MORC1: variants seen among roughly 807,000 people sequenced by gnomAD.
MORC1 encodes the protein MORC family CW-type zinc finger 1, also known as MORC family CW-type zinc finger protein 1.
In MORC1, 59 loss-of-function variants were observed where a neutral mutation model predicts 134.9. The ratio of observed to expected loss-of-function variants is 0.44; its 90% CI spans 0.35 to 0.54. MORC1 has a LOEUF of 0.54. MORC1 is among the 20% of genes least tolerant of loss of function. MORC1 has a pLI of 0.00. For missense variants in MORC1, 947 were observed against 1,134.5 expected, an observed-to-expected ratio of 0.83 and a Z score of 2.37; for synonymous variants, 395 against 391.7, an observed-to-expected ratio of 1.01 and a Z score of -0.10.
chr3:109,049,543 CA>C lies in MORC1; in HGVS notation c.1330+5184del, dbSNP rs927090242. 1.7e-3 allele frequency among the ~76,000 whole-genome samples: 254 copies of C among 150,990 alleles called. 1 individual carries two copies. The highest frequency in any genetic ancestry group is 5.7e-3 in the African/African-American group (236 of 41,154). On this transcript the variant is annotated intron_variant, in intron 14 of 27. Coordinates refer to ENST00000232603, the MANE Select transcript of MORC1 (RefSeq NM_014429.4). ...TTAGTTAGAAGTTAGCATTAGATTC[CA>C]AAAAAAAGGTCATTACAACCTGAAA... is the stretch of plus-strand genomic sequence containing the variant.
intron 4 of MORC1, among the ~76,000 whole-genome samples, chr3:109,103,349 T>G (rs1168965994): frequency 6.6e-6 from 1 of 152,222 alleles, no homozygotes; most frequent in African/African-American, 2.4e-5. Flanking sequence ...TGTAGATGTA[T>G]TCTTTATGAT....
chr3:109,082,936 A>T (rs1489496229), intron 8 of MORC1, among the ~76,000 whole-genome samples: 4 of 152,180 alleles, frequency 2.6e-5, no homozygotes, highest in Non-Finnish European at 4.4e-5. Context: ...AGCTCAGAAA[A>T]TACCAAACAG....
intron 6 of MORC1, among the ~76,000 whole-genome samples, chr3:109,096,766 G>A (rs940935121): frequency 6.6e-6 from 1 of 151,976 alleles, no homozygotes; most frequent in Middle Eastern, 3.4e-3. Flanking sequence ...CTATGAACTC[G>A]CCCTGAATTC....
At chr3:109,066,278 CTCT>C (rs1389802922) in intron 9 of MORC1, among the ~76,000 whole-genome samples, 3 of 149,792 alleles carry the variant, frequency 2.0e-5, no homozygotes, top group Admixed American at 2.0e-4. Context: ...CAGGAATTTT[CTCT>C]TTTTTTCTTT....
chr3:108,961,120 C>T (rs951791797), intron 27 of MORC1, among the ~76,000 whole-genome samples: 2 of 152,160 alleles, frequency 1.3e-5, no homozygotes, highest in South Asian at 2.1e-4. Flanking sequence ...TCCAACTGAA[C>T]GAACAGATAA....
chr3:109,006,866 T>G (rs1948552414), intron 18 of MORC1, among the ~76,000 whole-genome samples, 163 bp downstream of exon 18: 1 of 152,206 alleles, frequency 6.6e-6, no homozygotes, highest in African/African-American at 2.4e-5. Flanking sequence ...TTATCCCTAA[T>G]AAACATGTAT....
chr3:109,011,552 G>A (rs531680086), intron 17 of MORC1, among the ~76,000 whole-genome samples: 6 of 144,420 alleles, frequency 4.2e-5, no homozygotes, highest in South Asian at 4.3e-4. Flanking sequence ...ATGGAGTTTC[G>A]CTCTTGCTGC....
chr3:109,082,248 T>A (rs1245163697), intron 8 of MORC1, among the ~76,000 whole-genome samples: 4 of 148,214 alleles, frequency 2.7e-5, no homozygotes, highest in Admixed American at 6.6e-5. Context: ...AGGAGAAAAA[T>A]TTAAAAAAAA....
chr3:109,060,974 T>C (rs945977429), intron 11 of MORC1, among the ~76,000 whole-genome samples: 1 of 150,714 alleles, frequency 6.6e-6, no homozygotes, highest in African/African-American at 2.4e-5. Context: ...TAAGATAGGT[T>C]TACCCTTAAT....
chr3:108,992,770 T>C (rs955555299), intron 21 of MORC1, among the ~76,000 whole-genome samples: 4 of 152,120 alleles, frequency 2.6e-5, no homozygotes, highest in African/African-American at 9.7e-5. Flanking sequence ...CTCCCGGTAT[T>C]TTCACTTTTG....
chr3:108,958,789 G>A lies in MORC1; in HGVS notation c.*176C>T, dbSNP rs1292483927. On this transcript the variant is annotated 3_prime_UTR_variant, in exon 28 of 28. Coordinates refer to ENST00000232603, the MANE Select transcript of MORC1 (RefSeq NM_014429.4). Reference sequence around the variant, plus strand: ...AATTGGATTAGGGAATACATAAATTGTAAATCGGTCTCCATTTCTAGAGTA... The same window carrying A: ...AATTGGATTAGGGAATACATAAATTATAAATCGGTCTCCATTTCTAGAGTA... 1.2e-5 allele frequency: 4 copies of A among 342,348 alleles called. No individual in the cohort carries two copies. The highest frequency in any genetic ancestry group is 2.1e-5 in the African/African-American group (1 of 46,958). 21.2% of individuals were successfully genotyped at this position (342,348 alleles called of 1,614,324 possible).
chr3:109,106,575 C>T (rs1331992025), intron 3 of MORC1, among the ~76,000 whole-genome samples: 3 of 152,190 alleles, frequency 2.0e-5, no homozygotes, highest in East Asian at 1.9e-4. Context: ...TCCTCCTCCT[C>T]GTTTCCTGTT....
intron 24 of MORC1, among the ~76,000 whole-genome samples, chr3:108,972,218 A>G (rs2107399925): frequency 6.6e-6 from 1 of 152,280 alleles, no homozygotes; most frequent in South Asian, 2.1e-4. Flanking sequence ...AATCACCTAT[A>G]TGACACATAT....
Position 108,993,545 on chromosome 3 carries a change from T to C in MORC1, c.2188-6596A>G, listed in dbSNP as rs144594241. 1.2e-3 allele frequency among the ~76,000 whole-genome samples: 179 copies of C among 152,282 alleles called. No homozygotes were observed. The Middle Eastern group carries it at 0.014, about 12-fold the overall frequency. On this transcript the variant is annotated intron_variant, in intron 21 of 27. Coordinates refer to ENST00000232603, the MANE Select transcript of MORC1 (RefSeq NM_014429.4). The stretch of plus-strand genomic sequence containing the variant: ...TGTCTAGTATTATTAGCAATGATCA[T>C]AGCATTATACAGATTCATAAAGAGG...
At chr3:109,003,553 G>A (rs1948462141) in intron 20 of MORC1, among the ~76,000 whole-genome samples, 1 of 152,010 alleles carries the variant, frequency 6.6e-6, no homozygotes, top group African/African-American at 2.4e-5. Flanking sequence ...ACAATAAACT[G>A]ACAAATCCTA....
rs377670991 is a variant in MORC1, at chr3:109,099,436, A to G, written c.345T>C (p.Ile115=). ...TCGTTTCTTCCTTCTTCGTAAAAAG[A>G]ATAAAGTCTTTTCCAATTCTCATGG... is the stretch of plus-strand genomic sequence containing the variant. ...SGSMRIGKDF[I]LFTKKEETMT... The change falls in exon 6 of 28, where the codon ATT becomes ATC. Residue 115 remains isoleucine, a synonymous_variant. Transcript: ENST00000232603. 5 of 1,612,878 alleles carry G rather than the reference A, an allele frequency of 3.1e-6. No homozygotes were observed. In the African/African-American group the frequency reaches 5.3e-5, roughly 17 times the overall value.
chr3:108,983,299 G>A lies in MORC1; in HGVS notation c.2324+1417C>T, dbSNP rs542608876. Among the ~76,000 whole-genome samples, 3 of 152,252 alleles carry A rather than the reference G, an allele frequency of 2.0e-5. No individual in the cohort carries two copies. In the South Asian group the frequency reaches 6.2e-4, roughly 32 times the overall value. On this transcript the variant is annotated intron_variant, in intron 23 of 27. Coordinates refer to ENST00000232603, the MANE Select transcript of MORC1 (RefSeq NM_014429.4). Reference sequence around the variant, plus strand: ...TCATTCTGGATATCAGAGACACAGGGATAAGCAAGACAGTCCCTACTCTCA... The same window carrying A: ...TCATTCTGGATATCAGAGACACAGGAATAAGCAAGACAGTCCCTACTCTCA...
At chr3:109,040,883 G>GATGT (rs1163656765) in intron 14 of MORC1, among the ~76,000 whole-genome samples, 1 of 147,332 alleles carries the variant, frequency 6.8e-6, no homozygotes, top group African/African-American at 2.5e-5. Flanking sequence ...TCAAGAAAAT[G>GATGT]ATGTATGAAC....
At chr3:109,117,968 C>T (rs1951307146) in intron 1 of MORC1, 27 bp downstream of exon 1, 5 of 1,562,410 alleles carry the variant, frequency 3.2e-6, no homozygotes, top group East Asian at 2.4e-5. Flanking sequence ...AGACCCTCCC[C>T]GACCCCGACC....
Sources: allele counts gnomAD v4.1 joint callset (sites outside exome capture counted in the v4.1 genomes callset), GRCh38; gene constraint gnomAD v4.1.1; transcripts MANE v1.5; gene names NCBI Gene and HGNC (gene_info 2026-07-23, HGNC 2026-07-21).